The following GRID1 variants were observed in gnomAD, a reference collection of about 807,000 sequenced individuals.
GRID1 encodes glutamate receptor ionotropic, delta-1.
Under a neutral mutation model 98.0 loss-of-function variants are expected in GRID1, and 28 were observed. That is an observed-to-expected ratio of 0.29 (90% CI 0.21 to 0.39). The LOEUF is 0.39. GRID1 is among the 10% of genes least tolerant of loss of function. The pLI, the probability that GRID1 is intolerant of heterozygous loss-of-function variation, is 1.00. For synonymous variants in GRID1, 553 were observed against 538.5 expected, an observed-to-expected ratio of 1.03 and a Z score of -0.37; for missense variants, 1,111 against 1,340.5, an observed-to-expected ratio of 0.83 and a Z score of 2.67.
intron 3 of GRID1, among the ~76,000 whole-genome samples, chr10:86,184,462 T>TTTTC (rs1491341064): frequency 4.1e-4 from 21 of 51,648 alleles, no homozygotes; most frequent in Admixed American, 3.8e-3. Context: ...TTCTTTTTTC[T>TTTTC]TTTTTTTTTT....
intron 8 of GRID1, among the ~76,000 whole-genome samples, chr10:85,790,079 T>A (rs1366186747): frequency 6.6e-6 from 1 of 152,142 alleles, no homozygotes; most frequent in South Asian, 2.1e-4. Flanking sequence ...TTCATCCTCC[T>A]CCAGCCAGGC....
At chr10:85,948,632 A>G (rs1842081223) in intron 4 of GRID1, among the ~76,000 whole-genome samples, 1 of 152,240 alleles carries the variant, frequency 6.6e-6, no homozygotes, top group Non-Finnish European at 1.5e-5. Context: ...CTGTAAATTG[A>G]CACAGAAATT....
intron 8 of GRID1, among the ~76,000 whole-genome samples, chr10:85,754,899 T>C (rs1842081211): frequency 6.6e-6 from 1 of 152,250 alleles, no homozygotes; most frequent in African/African-American, 2.4e-5. Flanking sequence ...AAGAGTAGGC[T>C]GCATATAAAA....
intron 8 of GRID1, among the ~76,000 whole-genome samples, chr10:85,776,648 G>A (rs746802402): frequency 8.5e-5 from 13 of 152,174 alleles, no homozygotes; most frequent in Non-Finnish European, 7.3e-5. Flanking sequence ...CGCAGCGACC[G>A]CAGCCCTAAC....
chr10:85,876,271 A>G (rs1843330487), intron 5 of GRID1, among the ~76,000 whole-genome samples: 1 of 151,682 alleles, frequency 6.6e-6, no homozygotes, highest in Admixed American at 6.6e-5. Flanking sequence ...TCCTTTGGAG[A>G]CCCTGGGGGA....
In GRID1 at chr10:85,635,035, A is replaced by G. The variant is rs576019608; in HGVS notation, c.2193+12167T>C. Among the ~76,000 whole-genome samples, 37 of 117,546 alleles carry G rather than the reference A, an allele frequency of 3.1e-4. No individual in the cohort carries two copies. In the South Asian group the frequency reaches 9.9e-3, roughly 31 times the overall value. 77.1% of individuals were successfully genotyped at this position (117,546 alleles called of 152,430 possible). ...AAAAAAAAAAAAAAAAAAAAAAAAAATCAGATTTAAGAGAAGTCAACATCC... is the reference window on the plus strand; with the variant it reads ...AAAAAAAAAAAAAAAAAAAAAAAAAGTCAGATTTAAGAGAAGTCAACATCC... On this transcript the variant is annotated intron_variant, in intron 13 of 15. Transcript: ENST00000327946.
intron 8 of GRID1, among the ~76,000 whole-genome samples, chr10:85,831,402 A>T (rs116093247): frequency 0.016 from 2,425 of 152,186 alleles, 61 homozygotes; most frequent in African/African-American, 0.055. Context: ...TTACCTATAT[A>T]ACAAACCTGC....
At chr10:85,900,312 T>C (rs889454916) in intron 5 of GRID1, among the ~76,000 whole-genome samples, 1 of 151,912 alleles carries the variant, frequency 6.6e-6, no homozygotes, top group Non-Finnish European at 1.5e-5. Flanking sequence ...GCGAAGGAGG[T>C]GTAATAACAG....
At chr10:86,311,379 C>G (rs1847830084) in intron 2 of GRID1, among the ~76,000 whole-genome samples, 1 of 152,196 alleles carries the variant, frequency 6.6e-6, no homozygotes, top group Non-Finnish European at 1.5e-5. Flanking sequence ...GAGACCTAAT[C>G]AGGACAGCAG....
intron 4 of GRID1, among the ~76,000 whole-genome samples, chr10:85,929,371 C>A (rs1156351545): frequency 1.3e-5 from 2 of 152,190 alleles, no homozygotes; most frequent in East Asian, 3.9e-4. Context: ...GTAACCTCAG[C>A]AACATCTGTT....
chr10:85,712,229 A>T (rs1841589820), intron 12 of GRID1, among the ~76,000 whole-genome samples: 1 of 151,856 alleles, frequency 6.6e-6, no homozygotes, highest in Non-Finnish European at 1.5e-5. Context: ...ATAATGATTT[A>T]AAAAACATGA....
intron 4 of GRID1, among the ~76,000 whole-genome samples, chr10:85,937,585 C>G (rs1841944011): frequency 6.6e-6 from 1 of 152,178 alleles, no homozygotes; most frequent in East Asian, 1.9e-4. Context: ...AGGGTCTCCC[C>G]TCTTAAACTG....
At chr10:86,157,444 G>A (rs761203068) in intron 3 of GRID1, among the ~76,000 whole-genome samples, 3 of 152,176 alleles carry the variant, frequency 2.0e-5, no homozygotes, top group Non-Finnish European at 2.9e-5. Flanking sequence ...GTACTCGGAG[G>A]GCTCAAGGGT....
chr10:86,145,539 C>A (rs1239455616), intron 3 of GRID1, among the ~76,000 whole-genome samples: 1 of 146,140 alleles, frequency 6.8e-6, no homozygotes, highest in East Asian at 1.9e-4. Context: ...TCCTGGACAT[C>A]CTCCACATAC....
At chr10:85,824,210 T>TTTC (rs1200665906) in intron 8 of GRID1, among the ~76,000 whole-genome samples, 1 of 145,066 alleles carries the variant, frequency 6.9e-6, no homozygotes. Context: ...TTGTTTGTTT[T>TTTC]TTGAGATGGA....
chr10:86,124,357 T>C (rs1844721149), intron 4 of GRID1, among the ~76,000 whole-genome samples: 1 of 152,110 alleles, frequency 6.6e-6, no homozygotes, highest in Admixed American at 6.5e-5. Flanking sequence ...ACCAGGTACA[T>C]CCTCCTCCTC....
At chr10:86,247,131 G>C (rs913043207) in intron 2 of GRID1, among the ~76,000 whole-genome samples, 8 of 152,222 alleles carry the variant, frequency 5.3e-5, no homozygotes, top group African/African-American at 1.9e-4. Flanking sequence ...AGTGGGCAAG[G>C]GGGTAGGTGG....
In GRID1 at chr10:86,176,356, A is replaced by G. The variant is rs150841572; in HGVS notation, c.520+30008T>C. Among the ~76,000 whole-genome samples the G allele has an allele frequency of 4.4e-3, 676 of 152,328 alleles. 1 individual carries two copies. Among genetic ancestry groups the G allele is most frequent in the Non-Finnish European group, 7.6e-3 (516 of 68,038 alleles). On this transcript the variant is annotated intron_variant, in intron 3 of 15. Coordinates refer to ENST00000327946, the MANE Select transcript of GRID1 (RefSeq NM_017551.3). ...AAGGAGAGTGTATCTAATGTTACCT[A>G]AAAGAATGGGGAACTTGGCCTTATT...
At chr10:85,766,722 G>A (rs1424208591) in intron 8 of GRID1, among the ~76,000 whole-genome samples, 1 of 138,006 alleles carries the variant, frequency 7.2e-6, no homozygotes. Flanking sequence ...TGTGTGAAAG[G>A]CAGATGATTG....
Sources: allele counts gnomAD v4.1 joint callset (sites outside exome capture counted in the v4.1 genomes callset), GRCh38; gene constraint gnomAD v4.1.1; transcripts MANE v1.5; gene names NCBI Gene and HGNC (gene_info 2026-07-23, HGNC 2026-07-21).